SCN8A: variants seen among roughly 807,000 people sequenced by gnomAD.
The protein encoded by SCN8A is sodium channel protein type 8 subunit alpha.
SCN8A carries 30 observed loss-of-function variants against 184.1 expected under a neutral mutation model. The ratio of observed to expected loss-of-function variants is 0.16; its 90% CI spans 0.12 to 0.22. SCN8A has a LOEUF of 0.22. SCN8A is among the 10% of genes least tolerant of loss of function. The pLI is 1.00. For synonymous variants in SCN8A, 852 were observed against 907.0 expected (o/e 0.94, Z 1.09); for missense variants, 1,057 against 2,498.9 (o/e 0.42, Z 12.30).
chr12:51,785,465 T>G (rs774741477), intron 21 of SCN8A, among the ~76,000 whole-genome samples: 24 of 152,206 alleles, frequency 1.6e-4, no homozygotes, highest in Non-Finnish European at 2.9e-5. Context: ...AAGAATATCA[T>G]TGCATTTTTT....
chr12:51,631,715 T>A (rs1003472881), intron 1 of SCN8A, among the ~76,000 whole-genome samples: 5 of 152,234 alleles, frequency 3.3e-5, no homozygotes, highest in Non-Finnish European at 5.9e-5. Flanking sequence ...CAAAGTCTTA[T>A]TTAAAGAGAT....
At position 51,766,175 on chromosome 12, in the gene SCN8A, A is replaced by G. The variant is rs1458763832; in HGVS notation, c.2901+148A>G. On this transcript the variant is annotated intron_variant, in intron 16 of 26. Coordinates refer to ENST00000627620, the MANE Select transcript of SCN8A (RefSeq NM_001330260.2). ...TTTCTTGGCCCAGAAACCCTAAGGT[A>G]CAAATGAAGGAGAGGAGAGAGATAC... 1.3e-5 allele frequency: 9 copies of G among 711,498 alleles called. No homozygotes were observed. The East Asian group carries it at 1.8e-4, about 15-fold the overall frequency. The allele number at this position is 711,498 out of a possible 1,614,324, so 44.1% of individuals were successfully genotyped here.
At chr12:51,667,650 A>C (rs1941057885) in intron 2 of SCN8A, among the ~76,000 whole-genome samples, 1 of 152,240 alleles carries the variant, frequency 6.6e-6, no homozygotes, top group Admixed American at 6.5e-5. Flanking sequence ...GTTGAATACA[A>C]AATGGCCATA....
At chr12:51,595,998 T>C (rs966215691) in intron 1 of SCN8A, among the ~76,000 whole-genome samples, 3 of 152,186 alleles carry the variant, frequency 2.0e-5, no homozygotes, top group African/African-American at 7.2e-5. Context: ...TACACTAGAA[T>C]AGGACTCTTT....
At chr12:51,789,625 C>T (rs746026105) in intron 24 of SCN8A, among the ~76,000 whole-genome samples, 2 of 152,218 alleles carry the variant, frequency 1.3e-5, no homozygotes, top group Non-Finnish European at 2.9e-5. Flanking sequence ...ACCACACTTA[C>T]TAGCAGTCTT....
At position 51,598,322 on chromosome 12, in the gene SCN8A, A is replaced by G. The variant is rs764248475; in HGVS notation, c.-55+6963A>G. 1.1e-4 allele frequency among the ~76,000 whole-genome samples: 17 copies of G among 152,164 alleles called. No homozygotes were observed. In the Middle Eastern group the frequency reaches 0.01, roughly 91 times the overall value. On this transcript the variant is annotated intron_variant, in intron 1 of 26. Coordinates refer to ENST00000627620, the MANE Select transcript of SCN8A (RefSeq NM_001330260.2). The stretch of plus-strand genomic sequence containing the variant: ...CCCCTCCAACAATTCCTTTGGGTAC[A>G]CCTCCGTATTACTGAACCAGATCCT...
At chr12:51,779,199 G>A (rs547094941) in intron 20 of SCN8A, among the ~76,000 whole-genome samples, 18 of 134,628 alleles carry the variant, frequency 1.3e-4, no homozygotes, top group Admixed American at 2.5e-4. Context: ...CAGCCTGAGC[G>A]ACAGAGTGAG....
At chr12:51,770,111 C>G (rs554606524) in intron 18 of SCN8A, 126 bp downstream of exon 18, 2 of 674,094 alleles carry the variant, frequency 3.0e-6, no homozygotes, top group East Asian at 5.5e-5. Flanking sequence ...CTCCCCACCC[C>G]ACCATTTTGA....
intron 1 of SCN8A, among the ~76,000 whole-genome samples, chr12:51,617,923 A>C (rs1939875277): frequency 6.6e-6 from 1 of 152,142 alleles, no homozygotes. Context: ...TTAGTTGTCA[A>C]AACCTTTGGT....
intron 12 of SCN8A, among the ~76,000 whole-genome samples, chr12:51,727,396 C>T (rs1450219311): frequency 6.6e-6 from 1 of 151,764 alleles, no homozygotes; most frequent in Non-Finnish European, 1.5e-5. Context: ...AAAAACTATA[C>T]ACCTCCATTT....
intron 12 of SCN8A, among the ~76,000 whole-genome samples, chr12:51,731,863 G>A (rs1942248405): frequency 6.6e-6 from 1 of 152,132 alleles, no homozygotes. Context: ...CCATTTATAT[G>A]TCTTCTTTGG....
chr12:51,791,812 A>G (rs949773288), intron 25 of SCN8A, among the ~76,000 whole-genome samples: 12 of 152,206 alleles, frequency 7.9e-5, no homozygotes, highest in Non-Finnish European at 1.2e-4. Context: ...TTGGAGGCCA[A>G]GACTGCAGTG....
In SCN8A at chr12:51,751,420, T is replaced by C; in HGVS notation, c.2197T>C (p.Trp733Arg). Residue 733 changes from tryptophan to arginine, a missense_variant, in exon 14 of 27, where the codon TGG becomes CGG. By Grantham distance (101) the Trp-to-Arg change is moderately radical. This residue lies in a region of SCN8A where 322 missense variants were observed against 390.1 expected (regional missense o/e 0.83). Transcript: ENST00000627620. ...TAAATTTGCCAACACTTTCCTCATCTGGGAGTGCCACCCCTACTGGATAAA... is the reference window on the plus strand; with the variant it reads ...TAAATTTGCCAACACTTTCCTCATCCGGGAGTGCCACCCCTACTGGATAAA... ...WYKFANTFLI[W>R]ECHPYWIKLK... 6.2e-7 allele frequency: 1 copy of C among 1,613,978 alleles called. No homozygotes were observed. The highest frequency in any genetic ancestry group is 2.2e-5 in the East Asian group (1 of 44,888).
At chr12:51,742,737 T>C (rs2138822638) in intron 12 of SCN8A, among the ~76,000 whole-genome samples, 1 of 152,270 alleles carries the variant, frequency 6.6e-6, no homozygotes, top group South Asian at 2.1e-4. Context: ...TGTTGATATC[T>C]TTCTCTAGGT....
At chr12:51,696,810 G>A (rs1053606849) in intron 6 of SCN8A, among the ~76,000 whole-genome samples, 2 of 151,712 alleles carry the variant, frequency 1.3e-5, no homozygotes, top group African/African-American at 4.8e-5. Context: ...GTGGGCGGAC[G>A]ACCTGAGGTC....
intron 26 of SCN8A, among the ~76,000 whole-genome samples, chr12:51,801,270 A>G (rs1938550138): frequency 6.6e-6 from 1 of 152,186 alleles, no homozygotes; most frequent in Admixed American, 6.5e-5. Flanking sequence ...AATTATTCCC[A>G]TTGCATTTAA....
intron 20 of SCN8A, among the ~76,000 whole-genome samples, chr12:51,775,305 C>G (rs778756342): frequency 6.6e-6 from 1 of 152,328 alleles, no homozygotes; most frequent in South Asian, 2.1e-4. Context: ...TGTAGAGTAC[C>G]TCTGGGATCC....
chr12:51,749,282 T>G (rs56162912), intron 13 of SCN8A, among the ~76,000 whole-genome samples: 4,034 of 152,294 alleles, frequency 0.026, 172 homozygotes, highest in African/African-American at 0.089. Flanking sequence ...CTAGAGGAAT[T>G]TTCTTGGTGC....
At chr12:51,704,822 A>C (rs1941753761) in intron 9 of SCN8A, among the ~76,000 whole-genome samples, 1 of 151,194 alleles carries the variant, frequency 6.6e-6, no homozygotes, top group Non-Finnish European at 1.5e-5. Context: ...AAAATACAAA[A>C]AAATTAGCTG....
Sources: gnomAD v4.1 joint callset for allele counts (sites outside exome capture counted in the v4.1 genomes callset) on GRCh38, gnomAD v4.1.1 for gene constraint, gnomAD v4.1.1 regional missense constraint, MANE v1.5 for transcripts, NCBI Gene and HGNC (gene_info 2026-07-23, HGNC 2026-07-21) for gene names.